The following ATP6V0A4 variants were observed in gnomAD, a reference collection of about 807,000 sequenced individuals.
ATP6V0A4 encodes ATPase H+ transporting V0 subunit a4, also known as V-type proton ATPase 116 kDa subunit a 4.
ATP6V0A4 carries 86 observed loss-of-function variants against 107.3 expected under a neutral mutation model. The observed-to-expected ratio is 0.80, with a 90% CI of 0.67 to 0.96. The LOEUF (loss-of-function observed/expected upper bound fraction) is 0.96. ATP6V0A4 is among the 40% of genes least tolerant of loss of function. ATP6V0A4 has a pLI of 0.00. For missense variants in ATP6V0A4, 908 were observed against 1,045.6 expected (o/e 0.87, Z 1.81); for synonymous variants, 353 against 381.4 (o/e 0.93, Z 0.87).
intron 5 of ATP6V0A4, among the ~76,000 whole-genome samples, chr7:138,765,827 T>C (rs7788287): frequency 0.017 from 2,631 of 152,232 alleles, 77 homozygotes; most frequent in African/African-American, 0.058. Context: ...GAACACAGCT[T>C]ACCACAGCCT....
At chr7:138,796,679 C>G (rs1051641009) in intron 1 of ATP6V0A4, among the ~76,000 whole-genome samples, 3 of 133,456 alleles carry the variant, frequency 2.2e-5, no homozygotes, top group African/African-American at 8.2e-5. Context: ...CCCTATACCT[C>G]TCAGGCAGAG....
intron 20 of ATP6V0A4, among the ~76,000 whole-genome samples, chr7:138,713,185 G>A (rs1380388934): frequency 6.7e-6 from 1 of 149,838 alleles, no homozygotes; most frequent in Non-Finnish European, 1.5e-5. Flanking sequence ...TGCACCTGTA[G>A]TCCCAGCTAC....
chr7:138,753,583 T>C (rs1361338216), intron 10 of ATP6V0A4, among the ~76,000 whole-genome samples: 1 of 152,176 alleles, frequency 6.6e-6, no homozygotes, highest in Non-Finnish European at 1.5e-5. Flanking sequence ...GAATGGACAA[T>C]TGGGCCCACA....
chr7:138,726,596 T>C (rs914456419), intron 18 of ATP6V0A4, among the ~76,000 whole-genome samples: 1 of 152,116 alleles, frequency 6.6e-6, no homozygotes, highest in Non-Finnish European at 1.5e-5. Flanking sequence ...TCAGAACAAA[T>C]TGTTTATGTA....
chr7:138,736,319 T>A (rs892327135), intron 15 of ATP6V0A4, among the ~76,000 whole-genome samples: 2 of 152,202 alleles, frequency 1.3e-5, no homozygotes, highest in Non-Finnish European at 2.9e-5. Context: ...GCAATTTAGA[T>A]GTGTTTATCT....
chr7:138,709,861 C>T, intron 20 of ATP6V0A4, 66 bp from the exon 21 acceptor site: 1 of 1,540,220 alleles, frequency 6.5e-7, no homozygotes, highest in Non-Finnish European at 8.8e-7. Context: ...TGTATTTTCT[C>T]ATCTTTTTAA....
At chr7:138,754,967 A>G (rs551198096) in intron 10 of ATP6V0A4, among the ~76,000 whole-genome samples, 10 of 152,300 alleles carry the variant, frequency 6.6e-5, no homozygotes, top group African/African-American at 2.4e-4. Flanking sequence ...ATACAAACTA[A>G]ATGACTTAGT....
chr7:138,752,982 T>C, intron 10 of ATP6V0A4, 145 bp from the exon 11 acceptor site: 6 of 1,456,826 alleles, frequency 4.1e-6, no homozygotes, highest in Non-Finnish European at 5.5e-6. Flanking sequence ...GGCCTTGAAC[T>C]CTCCTGAGCA....
chr7:138,723,523 C>CTTTTTTTTTTTTTT (rs10528520), intron 18 of ATP6V0A4, among the ~76,000 whole-genome samples: 8 of 128,176 alleles, frequency 6.2e-5, no homozygotes, highest in Non-Finnish European at 1.1e-4. Flanking sequence ...TCTTTCTTTT[C>CTTTTTTTTTTTTTT]TTTTTTTTTT....
intron 2 of ATP6V0A4, among the ~76,000 whole-genome samples, chr7:138,784,676 A>G (rs1259504228): frequency 6.6e-6 from 1 of 152,184 alleles, no homozygotes; most frequent in Non-Finnish European, 1.5e-5. Flanking sequence ...GGAAAATAAT[A>G]TTTAAATTCA....
intron 2 of ATP6V0A4, among the ~76,000 whole-genome samples, chr7:138,777,352 C>T (rs1386066137): frequency 3.9e-5 from 6 of 151,976 alleles, no homozygotes; most frequent in Non-Finnish European, 7.4e-5. Context: ...CGGTGGCTCA[C>T]GCCTGTCATC....
Position 138,723,371 on chromosome 7 carries a change from A to G in ATP6V0A4, c.2011-1346T>C, listed in dbSNP as rs187682851. On this transcript the variant is annotated intron_variant, in intron 18 of 21. Transcript: ENST00000310018. ...AAAATCTAGGCATAGTCACCATTCA[A>G]CTTGGTCTGGTTTTACCCCTAAGTG... Among the ~76,000 whole-genome samples, 65 of 152,284 alleles carry G rather than the reference A, an allele frequency of 4.3e-4. No individual in the cohort carries two copies. In the South Asian group the frequency reaches 0.012, roughly 27 times the overall value.
intron 12 of ATP6V0A4, among the ~76,000 whole-genome samples, chr7:138,748,349 G>A (rs1806061321): frequency 1.3e-5 from 2 of 152,114 alleles, no homozygotes; most frequent in East Asian, 1.9e-4. Context: ...GGCTGGAGAA[G>A]AACAATCACC....
At position 138,742,363 on chromosome 7, in the gene ATP6V0A4, G is replaced by A. The variant is rs186321421; in HGVS notation, c.1479-2730C>T. On this transcript the variant is annotated intron_variant, in intron 14 of 21. Coordinates refer to ENST00000310018, the MANE Select transcript of ATP6V0A4 (RefSeq NM_020632.3). ...AATCGCTAGAACCCGGGAGGCAGAC[G>A]TTGCAGTGAGCCAAAATCGCACCAT... is the stretch of plus-strand genomic sequence containing the variant. Among the ~76,000 whole-genome samples the A allele has an allele frequency of 1.8e-3, 278 of 152,238 alleles. 2 individuals carry two copies. The highest frequency in any genetic ancestry group is 6.4e-3 in the African/African-American group (266 of 41,544).
At chr7:138,797,650 C>G (rs78294137) in intron 1 of ATP6V0A4, among the ~76,000 whole-genome samples, 9,943 of 152,064 alleles carry the variant, frequency 0.065, 334 homozygotes, top group South Asian at 0.086. Flanking sequence ...TTGTAATTAA[C>G]GCACTTCGAC....
chr7:138,778,953 G>A (rs577155940), intron 2 of ATP6V0A4, among the ~76,000 whole-genome samples: 8 of 152,254 alleles, frequency 5.3e-5, no homozygotes, highest in South Asian at 2.1e-4. Context: ...CTCCAGCCCC[G>A]GTGGTAGCAG....
Position 138,769,230 on chromosome 7 carries a change from A to G in ATP6V0A4, c.139T>C (p.Phe47Leu), listed in dbSNP as rs1437068237. The change falls in exon 4 of 22, where the codon TTT (phenylalanine) becomes CTT (leucine). Residue 47 changes from phenylalanine to leucine, a missense_variant. By Grantham distance (22) the Phe-to-Leu change is conservative. Coordinates refer to ENST00000310018, the MANE Select transcript of ATP6V0A4 (RefSeq NM_020632.3). The stretch of plus-strand genomic sequence containing the variant: ...ACTTCATTCACAAATTTCCTTTGAA[A>G]GCTGTTCACATTCATATTTAACTAT... Reference protein sequence around the residue: ...FKDLNMNVNSFQRKFVNEVRR... With the variant: ...FKDLNMNVNSLQRKFVNEVRR... 6.2e-7 allele frequency: 1 copy of G among 1,612,732 alleles called. No individual in the cohort carries two copies. The highest frequency in any genetic ancestry group is 8.5e-7 in the Non-Finnish European group (1 of 1,179,974).
intron 18 of ATP6V0A4, among the ~76,000 whole-genome samples, chr7:138,727,505 G>C (rs901399035): frequency 1.3e-5 from 2 of 152,048 alleles, no homozygotes; most frequent in African/African-American, 2.4e-5. Context: ...TTTCAGCTAA[G>C]CTTTGGAACG....
In ATP6V0A4 at chr7:138,775,793, G is replaced by A. The variant is rs534049523; in HGVS notation, c.-17-4529C>T. Among the ~76,000 whole-genome samples the A allele has an allele frequency of 2.6e-5, 4 of 152,030 alleles. No individual in the cohort carries two copies. In the South Asian group the frequency reaches 8.3e-4, roughly 32 times the overall value. On this transcript the variant is annotated intron_variant, in intron 2 of 21. Coordinates refer to ENST00000310018, the MANE Select transcript of ATP6V0A4 (RefSeq NM_020632.3). ...AGCCTCCCAAGTAGCTGGGACTATAGGCGCCCGCCACCACGCCCAGCTAAT... is the reference window on the plus strand; with the variant it reads ...AGCCTCCCAAGTAGCTGGGACTATAAGCGCCCGCCACCACGCCCAGCTAAT...
Sources: gnomAD v4.1 joint callset for allele counts (sites outside exome capture counted in the v4.1 genomes callset) on GRCh38, gnomAD v4.1.1 for gene constraint, MANE v1.5 for transcripts, NCBI Gene and HGNC (gene_info 2026-07-23, HGNC 2026-07-21) for gene names.